The following PALLD variants were observed in gnomAD, a reference collection of about 807,000 sequenced individuals.
PALLD encodes palladin, cytoskeletal associated protein.
Under a neutral mutation model 123.5 loss-of-function variants are expected in PALLD, and 61 were observed. The ratio of observed to expected loss-of-function variants is 0.49; its 90% CI spans 0.40 to 0.61. The LOEUF (loss-of-function observed/expected upper bound fraction) is 0.61, where lower values mean the gene tolerates loss of function less well. Among genes scored for constraint, PALLD ranks in the 20% least tolerant of loss-of-function variants. The pLI is 0.00. For synonymous variants in PALLD, 465 were observed against 496.4 expected (o/e 0.94, Z 0.84); for missense variants, 1,273 against 1,377.0 (o/e 0.92, Z 1.20).
chr4:168,860,880 A>AT, intron 10 of PALLD, among the ~76,000 whole-genome samples: 1 of 152,312 alleles, frequency 6.6e-6, no homozygotes, highest in Admixed American at 6.5e-5. Context: ...AGAGATCCTC[A>AT]TTTTTCTTTA....
chr4:168,600,596 C>A (rs1177339441), intron 2 of PALLD, among the ~76,000 whole-genome samples: 1 of 152,042 alleles, frequency 6.6e-6, no homozygotes. Context: ...CAATCTGTGA[C>A]CAGAACTTTA....
chr4:168,783,328 A>T (rs1176639185), intron 10 of PALLD, among the ~76,000 whole-genome samples: 1 of 152,184 alleles, frequency 6.6e-6, no homozygotes, highest in Non-Finnish European at 1.5e-5. Context: ...GCTAAGCAAT[A>T]ATATTGCAAA....
At chr4:168,795,710 CT>C (rs10632080) in intron 10 of PALLD, among the ~76,000 whole-genome samples, 6,060 of 144,660 alleles carry the variant, frequency 0.042, 267 homozygotes, top group East Asian at 0.12. Flanking sequence ...CCCTAATTGT[CT>C]TTTTTTTTTT....
At chr4:168,602,590 G>A (rs72697272) in intron 2 of PALLD, among the ~76,000 whole-genome samples, 12,912 of 152,210 alleles carry the variant, frequency 0.085, 742 homozygotes, top group Non-Finnish European at 0.12. Flanking sequence ...GTTGCTCAGC[G>A]TATGATAAGT....
chr4:168,536,865 T>C (rs1294291014), intron 2 of PALLD, among the ~76,000 whole-genome samples: 1 of 151,264 alleles, frequency 6.6e-6, no homozygotes, highest in East Asian at 1.9e-4. Context: ...TCTCACTCTG[T>C]CTCCCAGGCT....
At chr4:168,571,604 G>A (rs1033443803) in intron 2 of PALLD, among the ~76,000 whole-genome samples, 1 of 152,108 alleles carries the variant, frequency 6.6e-6, no homozygotes, top group African/African-American at 2.4e-5. Flanking sequence ...TCGAGAATTT[G>A]TAAAACTATA....
At chr4:168,653,549 T>G (rs1054698695) in intron 2 of PALLD, among the ~76,000 whole-genome samples, 5 of 152,202 alleles carry the variant, frequency 3.3e-5, no homozygotes, top group Non-Finnish European at 7.3e-5. Flanking sequence ...CAAGGAGAGA[T>G]ATGGCTGAGG....
At chr4:168,512,499 A>T in intron 2 of PALLD, 87 bp downstream of exon 2, 1 of 1,246,080 alleles carries the variant, frequency 8.0e-7, no homozygotes, top group East Asian at 2.5e-5. Flanking sequence ...TTCCTGTGTC[A>T]TTAGCCCTCT....
Position 168,925,032 on chromosome 4 carries a change from G to A in PALLD, c.3312G>A (p.Lys1104=). The A allele has an allele frequency of 6.2e-7, 1 of 1,614,108 alleles. No homozygotes were observed. Among genetic ancestry groups the A allele is most frequent in the East Asian group, 2.2e-5 (1 of 44,868 alleles). The change falls in exon 20 of 22, where the codon AAG becomes AAA. Residue 1104 remains lysine, a synonymous_variant. Transcript: ENST00000505667. ...EDAGWYTVSA[K]NEAGIVSCTA... is the part of the protein sequence containing the mutation. ...CTGGGTGGTATACTGTGTCAGCCAA[G>A]AATGAAGCAGGGATTGTGTCCTGTA...
intron 1 of PALLD, among the ~76,000 whole-genome samples, chr4:168,504,439 C>G (rs780750199): frequency 6.6e-6 from 1 of 152,034 alleles, no homozygotes; most frequent in Non-Finnish European, 1.5e-5. Flanking sequence ...ACTAAAAATA[C>G]AAAAATCAGC....
chr4:168,903,819 A>T lies in PALLD; in HGVS notation c.2535A>T (p.Arg845Ser), dbSNP rs1757058174. 3.7e-6 allele frequency: 6 copies of T among 1,612,290 alleles called. No homozygotes were observed. ...SPKSDHYTIQ[R>S]DLDGTCSLHT... ...AGAGTGATCACTACACCATTCAAAG[A>T]GATCTCGATGGGACCTGCTCCCTCC... Residue 845 changes from arginine to serine, a missense_variant, in exon 15 of 22, where the codon AGA becomes AGT. By Grantham distance (110) the Arg-to-Ser change is moderately radical. Coordinates refer to ENST00000505667, the MANE Select transcript of PALLD (RefSeq NM_001166108.2).
chr4:168,787,421 A>AT (rs1328924960), intron 10 of PALLD, among the ~76,000 whole-genome samples: 1 of 152,170 alleles, frequency 6.6e-6, no homozygotes, highest in Non-Finnish European at 1.5e-5. Flanking sequence ...ACAATTGAGC[A>AT]TTTTTTCTAG....
chr4:168,616,764 C>G (rs905553804), intron 2 of PALLD, among the ~76,000 whole-genome samples: 2 of 152,158 alleles, frequency 1.3e-5, no homozygotes, highest in African/African-American at 4.8e-5. Context: ...GAATTTTTAA[C>G]AAGCTTCCCA....
intron 2 of PALLD, among the ~76,000 whole-genome samples, chr4:168,604,966 G>A (rs937366450): frequency 2.0e-5 from 3 of 152,208 alleles, no homozygotes; most frequent in African/African-American, 4.8e-5. Flanking sequence ...TGGTTAACTG[G>A]AGAAAGGAAA....
At chr4:168,896,272 C>T (rs1183239764) in intron 12 of PALLD, among the ~76,000 whole-genome samples, 2 of 151,598 alleles carry the variant, frequency 1.3e-5, no homozygotes, top group Non-Finnish European at 2.9e-5. Context: ...TTAGCCTAGT[C>T]TATCTTAAAT....
chr4:168,647,557 C>T (rs1252364701), intron 2 of PALLD, among the ~76,000 whole-genome samples: 6 of 151,996 alleles, frequency 3.9e-5, no homozygotes, highest in South Asian at 2.1e-4. Flanking sequence ...AAGGCAGGCA[C>T]GTCATCTGAG....
At chr4:168,632,153 G>C (rs902848696) in intron 2 of PALLD, among the ~76,000 whole-genome samples, 9 of 151,484 alleles carry the variant, frequency 5.9e-5, no homozygotes, top group Non-Finnish European at 1.3e-4. Context: ...GGAGAAAGGC[G>C]TGAGGTTGAA....
At chr4:168,540,327 C>G (rs1169566647) in intron 2 of PALLD, among the ~76,000 whole-genome samples, 1 of 152,138 alleles carries the variant, frequency 6.6e-6, no homozygotes, top group African/African-American at 2.4e-5. Flanking sequence ...AAAGGCTTTC[C>G]CAGCATGCGA....
At chr4:168,517,476 G>A (rs982754046) in intron 2 of PALLD, among the ~76,000 whole-genome samples, 4 of 152,066 alleles carry the variant, frequency 2.6e-5, no homozygotes, top group Non-Finnish European at 2.9e-5. Context: ...AATACAGCAT[G>A]TCCAATGCCT....
Sources: gnomAD v4.1 joint callset for allele counts (sites outside exome capture counted in the v4.1 genomes callset) on GRCh38, gnomAD v4.1.1 for gene constraint, MANE v1.5 for transcripts, NCBI Gene and HGNC (gene_info 2026-07-23, HGNC 2026-07-21) for gene names.